SUN5: variants seen among roughly 807,000 people sequenced by gnomAD.
SUN5 encodes SUN domain-containing protein 5.
A neutral mutation model predicts 53.7 loss-of-function variants in SUN5; 44 were observed. The observed-to-expected ratio is 0.82, with a 90% CI of 0.64 to 1.05. SUN5 has a LOEUF of 1.05. Ranked by LOEUF, SUN5 falls within the 50% of genes least tolerant of loss-of-function variation. The pLI, the probability that SUN5 is intolerant of heterozygous loss-of-function variation, is 0.00. For missense variants in SUN5, 433 were observed against 483.8 expected (o/e 0.90, Z 0.98); for synonymous variants, 166 against 179.8 (o/e 0.92, Z 0.62).
chr20:32,998,058 G>T (rs1989898045), intron 5 of SUN5, among the ~76,000 whole-genome samples: 2 of 151,752 alleles, frequency 1.3e-5, no homozygotes, highest in Admixed American at 1.3e-4. Context: ...AAAAGTCTTG[G>T]CCAGGTGTGG....
intron 12 of SUN5, 146 bp downstream of exon 12, chr20:32,984,953 G>A: frequency 1.2e-6 from 1 of 803,716 alleles, no homozygotes; most frequent in South Asian, 1.8e-5. Context: ...CCTACTCTCT[G>A]AGCCTCAGTT....
rs1384502410 is a variant in SUN5 at position 32,987,670 on chromosome 20, A to G, written c.719T>C (p.Val240Ala). The G allele has an allele frequency of 1.2e-6, 2 of 1,608,518 alleles. No individual in the cohort carries two copies. The highest frequency in any genetic ancestry group is 2.7e-5 in the African/African-American group (2 of 74,562). ...QLWNYAQPPD[V>A]ILEPNVTPGN... ...CGCCATCCCCCCTGCCTCAAGGATCACGTCTGGGGGCTGTGCGTAGTTCCA... is the reference window on the plus strand; with the variant it reads ...CGCCATCCCCCCTGCCTCAAGGATCGCGTCTGGGGGCTGTGCGTAGTTCCA... The change falls in exon 10 of 13, where the codon GTG becomes GCG. Residue 240 changes from valine (V) to alanine (A), a missense_variant. Transcript: ENST00000356173.
At chr20:32,997,532 T>A (rs1989884733) in intron 6 of SUN5, 106 bp downstream of exon 6, 1 of 1,224,284 alleles carries the variant, frequency 8.2e-7, no homozygotes, top group Non-Finnish European at 1.2e-6. Flanking sequence ...AGTCAGGAAC[T>A]GATGAGGGGC....
At chr20:32,994,093 A>C (rs1019329744) in intron 8 of SUN5, among the ~76,000 whole-genome samples, 3 of 152,204 alleles carry the variant, frequency 2.0e-5, no homozygotes, top group African/African-American at 7.2e-5. Flanking sequence ...ACATACAGTA[A>C]GTCTGCCACT....
At chr20:33,002,547 C>A (rs1401110309) in intron 3 of SUN5, 40 bp downstream of exon 3, 21 of 1,605,378 alleles carry the variant, frequency 1.3e-5, no homozygotes, top group Non-Finnish European at 1.8e-5. Flanking sequence ...CTCCCCAGAC[C>A]CATATTGATG....
At position 32,998,781 on chromosome 20, in the gene SUN5, G is replaced by A. The variant is rs139650684; in HGVS notation, c.341-1094C>T. On this transcript the variant is annotated intron_variant, in intron 5 of 12. Coordinates refer to ENST00000356173, the MANE Select transcript of SUN5 (RefSeq NM_080675.4). The stretch of plus-strand genomic sequence containing the variant: ...CACCTGTAATCCTAGCACTTTGGGA[G>A]GCTGAGATACGATGGTTTGAGGCTG... Among the ~76,000 whole-genome samples the A allele has an allele frequency of 6.2e-3, 944 of 152,078 alleles. 5 individuals carry two copies. Among genetic ancestry groups the A allele is most frequent in the African/African-American group, 0.021 (879 of 41,470 alleles).
At position 32,989,614 on chromosome 20, in the gene SUN5, A is replaced by G. The variant is rs1447443044; in HGVS notation, c.613+6T>C. On this transcript the variant is annotated splice_donor_region_variant and intron_variant, in intron 9 of 12. Coordinates refer to ENST00000356173, the MANE Select transcript of SUN5 (RefSeq NM_080675.4). The stretch of plus-strand genomic sequence containing the variant: ...CAGTCAGATGGTGGGGAAGGGGGTC[A>G]CCTACCTATAGACTTCAGGGCAAAG... 1 of 1,613,594 alleles carries G rather than the reference A, an allele frequency of 6.2e-7. No homozygotes were observed. The highest frequency in any genetic ancestry group is 8.5e-7 in the Non-Finnish European group (1 of 1,179,750).
At chr20:32,999,714 G>C in intron 5 of SUN5, 4 of 490,438 alleles carry the variant, frequency 8.2e-6, no homozygotes, top group Non-Finnish European at 1.4e-5. Flanking sequence ...CCCACCCCCA[G>C]CCTCCACTCC....
chr20:32,989,619 C>T lies in SUN5; in HGVS notation c.613+1G>A, dbSNP rs138559284. On this transcript the variant is annotated splice_donor_variant, in intron 9 of 12. Coordinates refer to ENST00000356173, the MANE Select transcript of SUN5 (RefSeq NM_080675.4). LOFTEE classifies it high-confidence loss of function. ...AGATGGTGGGGAAGGGGGTCACCTACCTATAGACTTCAGGGCAAAGTCTGG... is the reference window on the plus strand; with the variant it reads ...AGATGGTGGGGAAGGGGGTCACCTATCTATAGACTTCAGGGCAAAGTCTGG... 1.9e-6 allele frequency: 3 copies of T among 1,613,848 alleles called. No homozygotes were observed. Among genetic ancestry groups the T allele is most frequent in the Middle Eastern group, 1.7e-4 (1 of 6,060 alleles).
intron 3 of SUN5, among the ~76,000 whole-genome samples, chr20:33,002,264 T>C (rs1282177119): frequency 6.6e-6 from 1 of 152,106 alleles, no homozygotes; most frequent in Non-Finnish European, 1.5e-5. Context: ...GATGTACCTA[T>C]GAAATAAGGT....
Position 33,001,724 on chromosome 20 carries a change from A to G in SUN5, c.212-446T>C, listed in dbSNP as rs1333426234. 2.5e-5 allele frequency among the ~76,000 whole-genome samples: 3 copies of G among 120,176 alleles called. No individual in the cohort carries two copies. The Admixed American group carries it at 3.4e-4, about 14-fold the overall frequency. The allele number at this position is 120,176 out of a possible 152,430, so 78.8% of individuals were successfully genotyped here. A position where few individuals can be genotyped will look rare whatever the true frequency, so the allele number is the denominator to read the frequency against. ...CACTCTGTCACCCAGGCTGGAGTGC[A>G]GTGGCATGACCTCGGCTCACTGCAA... On this transcript the variant is annotated intron_variant, in intron 3 of 12. Coordinates refer to ENST00000356173, the MANE Select transcript of SUN5 (RefSeq NM_080675.4).
At chr20:32,987,291 A>G (rs955273838) in intron 10 of SUN5, among the ~76,000 whole-genome samples, 1 of 152,170 alleles carries the variant, frequency 6.6e-6, no homozygotes, top group East Asian at 1.9e-4. Flanking sequence ...AAATGGGTCT[A>G]TGATGGGCCC....
chr20:32,984,938 C>T (rs925442482), intron 12 of SUN5, among the ~76,000 whole-genome samples, 161 bp downstream of exon 12: 1 of 152,184 alleles, frequency 6.6e-6, no homozygotes, highest in African/African-American at 2.4e-5. Flanking sequence ...CCCTGGGTAG[C>T]GGCTCCTACT....
intron 3 of SUN5, among the ~76,000 whole-genome samples, chr20:33,001,519 C>CTTTCTTCCTTTCTTTCTTTCTTTCTTTCT (rs68051515): frequency 8.2e-6 from 1 of 121,324 alleles, no homozygotes; most frequent in African/African-American, 3.5e-5. Context: ...TTCTTTCTTT[C>CTTTCTTCCTTTCTTTCTTTCTTTCTTTCT]TTCTTTCTTT....
chr20:33,001,275 C>T lies in SUN5; in HGVS notation c.215G>A (p.Trp72Ter), dbSNP rs374069533. 6.4e-7 allele frequency: 1 copy of T among 1,573,324 alleles called. No individual in the cohort carries two copies. The highest frequency in any genetic ancestry group is 1.8e-5 in the Admixed American group (1 of 55,294). Residue 72 changes from tryptophan to a stop codon, truncating the protein, a stop_gained, in exon 4 of 13, where the codon TGG becomes TAG. Transcript: ENST00000356173. LOFTEE classifies it high-confidence loss of function. ...LTQCMLGCVS[W>*]FTCFACSLRT... ...CAGGGAGCAGGCAAAACAGGTGAAC[C>T]AGGCTGCACGGGAGACAGAAAAGCA...
chr20:32,999,523 C>T (rs1043615094), intron 5 of SUN5, among the ~76,000 whole-genome samples: 3 of 151,972 alleles, frequency 2.0e-5, no homozygotes, highest in Non-Finnish European at 2.9e-5. Context: ...ACCCGGGAGG[C>T]GGAGGTTGCA....
chr20:32,989,637 A>C lies in SUN5; in HGVS notation c.596T>G (p.Phe199Cys), dbSNP rs1239810238. 1.2e-6 allele frequency: 2 copies of C among 1,613,888 alleles called. No homozygotes were observed. The highest frequency in any genetic ancestry group is 2.7e-5 in the African/African-American group (2 of 74,862). ...TCACCTACCTATAGACTTCAGGGCA[A>C]AGTCTGGCTTTTCGATGTAATCTCC... ...IHGDYIEKPD[F>C]ALKSIGASID... Residue 199 changes from phenylalanine to cysteine, a missense_variant, in exon 9 of 13, where the codon TTT becomes TGT. Phe to Cys is a radical substitution (Grantham distance 205). Transcript: ENST00000356173.
In SUN5 at chr20:32,995,684, C is replaced by T. The variant is rs747371727; in HGVS notation, c.469G>A (p.Asp157Asn). Reference sequence around the variant, plus strand: ...AGCTGGTTCATGCTACCTCGGAGGTCCTGGATTTCCCCACTGTGATGTCGC... The same window carrying T: ...AGCTGGTTCATGCTACCTCGGAGGTTCTGGATTTCCCCACTGTGATGTCGC... ...KVRHHSGEIQ[D>N]LRGSMNQLIA... Residue 157 changes from aspartate (D) to asparagine (N), a missense_variant, in exon 8 of 13, where the codon GAC becomes AAC. Transcript: ENST00000356173. The T allele has an allele frequency of 6.2e-7, 1 of 1,614,144 alleles. No homozygotes were observed. Among genetic ancestry groups the T allele is most frequent in the Admixed American group, 1.7e-5 (1 of 60,016 alleles).
At chr20:32,998,805 TG>T (rs1004569056) in intron 5 of SUN5, among the ~76,000 whole-genome samples, 9 of 151,032 alleles carry the variant, frequency 6.0e-5, no homozygotes, top group Admixed American at 6.0e-4. Flanking sequence ...GGTTTGAGGC[TG>T]GGAGTTCTAG....
Sources: gnomAD v4.1 joint callset for allele counts (sites outside exome capture counted in the v4.1 genomes callset) on GRCh38, gnomAD v4.1.1 for gene constraint, MANE v1.5 for transcripts, NCBI Gene and HGNC (gene_info 2026-07-23, HGNC 2026-07-21) for gene names.